The following MTG1 variants were observed in gnomAD, a reference collection of about 807,000 sequenced individuals.
MTG1 encodes mitochondrial ribosome-associated GTPase 1.
MTG1 carries 30 observed loss-of-function variants against 39.5 expected under a neutral mutation model. The ratio of observed to expected loss-of-function variants is 0.76; its 90% CI spans 0.57 to 1.03. The LOEUF is 1.03. MTG1 is among the 50% of genes least tolerant of loss of function. The pLI is 0.00. For synonymous variants in MTG1, 217 were observed against 179.0 expected (o/e 1.21, Z -1.69); for missense variants, 513 against 447.4 (o/e 1.15, Z -1.32).
chr10:133,398,490 G>C lies in MTG1; in HGVS notation c.338G>C (p.Cys113Ser), dbSNP rs145013853. 2 of 1,613,776 alleles carry C rather than the reference G, an allele frequency of 1.2e-6. No homozygotes were observed. The highest frequency in any genetic ancestry group is 1.7e-6 in the Non-Finnish European group (2 of 1,179,952). ...EGLKNVIFTN[C>S]VKDENVKQII... ...CTAAAAAATGTCATTTTTACCAACT[G>C]TGTAAAGGATGAAAATGTCAAGCAG... The change falls in exon 4 of 11, where the codon TGT (cysteine) becomes TCT (serine). Residue 113 changes from cysteine to serine, a missense_variant. Transcript: ENST00000317502.
rs1268995974 is a variant in MTG1, at chr10:133,422,060, A to G, written c.*1895A>G. ...GGCTGGTCTTAACACAGGTGTGTCC[A>G]GTGCTGGAGGCAAGTCCTTGTCGTG... is the stretch of plus-strand genomic sequence containing the variant. On this transcript the variant is annotated 3_prime_UTR_variant, in exon 11 of 11. Coordinates refer to ENST00000317502, the MANE Select transcript of MTG1 (RefSeq NM_138384.4). The G allele has an allele frequency of 6.5e-6, 1 of 153,014 alleles. No homozygotes were observed. The highest frequency in any genetic ancestry group is 1.5e-5 in the Non-Finnish European group (1 of 68,374). 9.5% of individuals were successfully genotyped at this position (153,014 alleles called of 1,614,324 possible). A position where few individuals can be genotyped will look rare whatever the true frequency, so the allele number is the denominator to read the frequency against.
At chr10:133,401,961 C>T in intron 7 of MTG1, 188 bp from the exon 8 acceptor site, 1 of 611,686 alleles carries the variant, frequency 1.6e-6, no homozygotes, top group South Asian at 1.9e-5. Context: ...TATTTATTCT[C>T]CAAATTAAGT....
At chr10:133,419,378 CTGGCCG>C in intron 9 of MTG1, 96 bp from the exon 10 acceptor site, 1 of 898,368 alleles carries the variant, frequency 1.1e-6, no homozygotes, top group Non-Finnish European at 1.7e-6. Flanking sequence ...CAGGAGGTGC[CTGGCCG>C]TGGCCTTTGT....
intron 9 of MTG1, among the ~76,000 whole-genome samples, chr10:133,412,833 A>AT (rs1399214597): frequency 2.6e-5 from 4 of 151,940 alleles, no homozygotes; most frequent in African/African-American, 4.8e-5. Flanking sequence ...TTCGATGTTT[A>AT]TTTTTTTATT....
At chr10:133,412,537 G>C (rs11101744) in intron 9 of MTG1, among the ~76,000 whole-genome samples, 40,244 of 151,842 alleles carry the variant, frequency 0.27, 5,519 homozygotes, top group Admixed American at 0.35. Flanking sequence ...TTGTTTTCTT[G>C]CTTTATTGCA....
Position 133,409,127 on chromosome 10 carries a change from T to C in MTG1, c.752+6354T>C, listed in dbSNP as rs1348296865. On this transcript the variant is annotated intron_variant, in intron 9 of 10. Coordinates refer to ENST00000317502, the MANE Select transcript of MTG1 (RefSeq NM_138384.4). ...CACTTTTCTGGTGCCTTGAGGTTCA[T>C]GGTTAGGTTATTTGGAGTCTTCTGC... Among the ~76,000 whole-genome samples the C allele has an allele frequency of 3.9e-5, 6 of 152,258 alleles. No individual in the cohort carries two copies. In the East Asian group the frequency reaches 1.2e-3, roughly 29 times the overall value.
intron 9 of MTG1, among the ~76,000 whole-genome samples, chr10:133,414,655 G>T (rs919683983): frequency 6.6e-6 from 1 of 151,902 alleles, no homozygotes; most frequent in Non-Finnish European, 1.5e-5. Flanking sequence ...GGGCAGCCAG[G>T]CAGAGGGGCT....
At chr10:133,394,463 TC>T in intron 1 of MTG1, 131 bp downstream of exon 1, 1 of 1,314,344 alleles carries the variant, frequency 7.6e-7, no homozygotes, top group Non-Finnish European at 9.8e-7. Flanking sequence ...CTCCCTTGTC[TC>T]CCCTCCTTCC....
At chr10:133,396,912 G>T (rs1183815955) in intron 3 of MTG1, among the ~76,000 whole-genome samples, 1 of 152,186 alleles carries the variant, frequency 6.6e-6, no homozygotes, top group Non-Finnish European at 1.5e-5. Flanking sequence ...GCCGACTGTG[G>T]TCTAGCGGTA....
intron 9 of MTG1, among the ~76,000 whole-genome samples, chr10:133,414,938 C>T (rs1468535467): frequency 2.6e-5 from 4 of 152,362 alleles, no homozygotes; most frequent in East Asian, 1.9e-4. Context: ...CCGAGGCTGG[C>T]GGATCACTTG....
intron 4 of MTG1, 132 bp downstream of exon 4, chr10:133,398,647 A>G: frequency 3.0e-6 from 3 of 1,010,566 alleles, no homozygotes; most frequent in Non-Finnish European, 4.3e-6. Flanking sequence ...CAGCTGCCAC[A>G]CACGGATGCG....
At chr10:133,398,749 A>T (rs1849825231) in intron 4 of MTG1, among the ~76,000 whole-genome samples, 1 of 152,116 alleles carries the variant, frequency 6.6e-6, no homozygotes, top group Admixed American at 6.5e-5. Flanking sequence ...AGTCTTTTGG[A>T]GACTCAGGTA....
intron 9 of MTG1, among the ~76,000 whole-genome samples, chr10:133,405,531 GCT>G (rs1206963300): frequency 2.0e-5 from 3 of 152,134 alleles, no homozygotes; most frequent in African/African-American, 7.2e-5. Context: ...TCACCAGTCT[GCT>G]CTCTGTCTTA....
At position 133,401,644 on chromosome 10, in the gene MTG1, T is replaced by C. The variant is rs759445059; in HGVS notation, c.573+54T>C. On this transcript the variant is annotated intron_variant, in intron 7 of 10. Coordinates refer to ENST00000317502, the MANE Select transcript of MTG1 (RefSeq NM_138384.4). Reference sequence around the variant, plus strand: ...CTCTGTCAAGAGCTCTGCAGGCGTCTGGCACCTGCCGACCTCTGTGTGGCT... The same window carrying C: ...CTCTGTCAAGAGCTCTGCAGGCGTCCGGCACCTGCCGACCTCTGTGTGGCT... The C allele has an allele frequency of 3.2e-6, 5 of 1,560,026 alleles. No individual in the cohort carries two copies. The African/African-American group carries it at 6.8e-5, about 21-fold the overall frequency.
chr10:133,410,860 C>G (rs556432748), intron 9 of MTG1, among the ~76,000 whole-genome samples: 1 of 152,298 alleles, frequency 6.6e-6, no homozygotes, highest in Admixed American at 6.5e-5. Context: ...GAATTCTGTA[C>G]TTTAACTGCA....
At chr10:133,399,449 C>T (rs930342290) in intron 5 of MTG1, 80 bp from the exon 6 acceptor site, 1 of 1,441,818 alleles carries the variant, frequency 6.9e-7, no homozygotes, top group Non-Finnish European at 9.7e-7. Flanking sequence ...GCCTGGGGTC[C>T]CCTTGCCTGG....
Position 133,418,886 on chromosome 10 carries a change from C to T in MTG1, c.753-594C>T, listed in dbSNP as rs559969228. Among the ~76,000 whole-genome samples, 258 of 152,322 alleles carry T rather than the reference C, an allele frequency of 1.7e-3. 2 individuals are homozygous for T. Among genetic ancestry groups the T allele is most frequent in the African/African-American group, 6.0e-3 (251 of 41,570 alleles). ...TCCAGGCCTCTCTGCCCAGAGCCTG[C>T]ACTGTGAGGAGTCAGAGTGCCCGTT... On this transcript the variant is annotated intron_variant, in intron 9 of 10. Transcript: ENST00000317502.
chr10:133,395,512 C>A (rs11101735), intron 1 of MTG1, among the ~76,000 whole-genome samples: 1,865 of 152,338 alleles, frequency 0.012, 36 homozygotes, highest in African/African-American at 0.042. Flanking sequence ...CAGGGTGCCT[C>A]CCAGTCTCCC....
intron 1 of MTG1, chr10:133,394,601 G>A (rs1849753214): frequency 6.9e-6 from 9 of 1,299,552 alleles, no homozygotes; most frequent in Admixed American, 4.3e-5. Flanking sequence ...CCTACCTCTG[G>A]CCCGCCGCCC....
Sources: allele counts gnomAD v4.1 joint callset (sites outside exome capture counted in the v4.1 genomes callset), GRCh38; gene constraint gnomAD v4.1.1; transcripts MANE v1.5; gene names NCBI Gene and HGNC (gene_info 2026-07-23, HGNC 2026-07-21).